The following RSPH10B2 variants were observed in gnomAD, a reference collection of about 807,000 sequenced individuals.
RSPH10B2 encodes the protein radial spoke head 10 homolog B2.
RSPH10B2 carries 9 observed loss-of-function variants against 49.0 expected under a neutral mutation model. The ratio of observed to expected loss-of-function variants is 0.18; its 90% CI spans 0.11 to 0.32. The LOEUF (loss-of-function observed/expected upper bound fraction) is 0.32, where lower values mean the gene tolerates loss of function less well. RSPH10B2 is among the 10% of genes least tolerant of loss of function. RSPH10B2 has a pLI of 1.00. For synonymous variants in RSPH10B2, 35 were observed against 210.2 expected, an observed-to-expected ratio of 0.17 and a Z score of 7.21; for missense variants, 95 against 589.9, an observed-to-expected ratio of 0.16 and a Z score of 8.69.
chr7:6,761,942 CA>C (rs1455733899), intron 3 of RSPH10B2, among the ~76,000 whole-genome samples: 9 of 87,912 alleles, frequency 1.0e-4, no homozygotes, highest in Admixed American at 3.9e-4. Context: ...AAACTCCCGG[CA>C]GGGGGGGAGG....
chr7:6,757,917 A>C, exon 1 of RSPH10B2: 1 of 1,593,778 alleles, frequency 6.3e-7, no homozygotes, highest in Non-Finnish European at 8.6e-7. Flanking sequence ...TTCTGACCAA[A>C]CTCATAGTGG....
Position 6,780,011 on chromosome 7 carries a change from C to T in RSPH10B2, c.1529+287C>T, listed in dbSNP as rs1213492023. Among the ~76,000 whole-genome samples, 152 of 111,856 alleles carry T rather than the reference C, an allele frequency of 1.4e-3. 3 individuals are homozygous for T. The highest frequency in any genetic ancestry group is 4.8e-3 in the African/African-American group (148 of 30,840). The allele number at this position is 111,856 out of a possible 152,430, so 73.4% of individuals were successfully genotyped here. A position where few individuals can be genotyped will look rare whatever the true frequency, so the allele number is the denominator to read the frequency against. ...TTTTTTTTTGTATTTTTAGTAGAGA[C>T]GGGGTTTCACCATGTTGGCCAGGCT... On this transcript the variant is annotated intron_variant, in intron 11 of 18. Coordinates refer to ENST00000297186, the Ensembl canonical transcript of RSPH10B2.
intron 13 of RSPH10B2, among the ~76,000 whole-genome samples, chr7:6,783,838 A>T (rs118083130): frequency 0.037 from 4,846 of 130,784 alleles, 28 homozygotes; most frequent in Non-Finnish European, 0.044. Flanking sequence ...TAATAATAAT[A>T]ATTATTATTA....
At position 6,780,525 on chromosome 7, in the gene RSPH10B2, C is replaced by T. The variant is rs572983305; in HGVS notation, c.1530-284C>T. ...CAGCCTCCCAAGTAGCTGGGATTAC[C>T]GGTGTCTGCCACCAAGCCCAGCTAA... is the stretch of plus-strand genomic sequence containing the variant. On this transcript the variant is annotated intron_variant, in intron 11 of 18. Transcript: ENST00000297186. 9.3e-5 allele frequency among the ~76,000 whole-genome samples: 9 copies of T among 96,952 alleles called. 2 individuals are homozygous for T. Among genetic ancestry groups the T allele is most frequent in the Non-Finnish European group, 1.3e-4 (6 of 46,680 alleles). The allele number at this position is 96,952 out of a possible 152,430, so 63.6% of individuals were successfully genotyped here.
chr7:6,786,765 GT>G, intron 14 of RSPH10B2, 112 bp from the exon 17 acceptor site: 2 of 1,049,538 alleles, frequency 1.9e-6, no homozygotes, highest in Admixed American at 3.9e-5. Flanking sequence ...CTGTGTGTGT[GT>G]GGGCAAACGT....
intron 11 of RSPH10B2, among the ~76,000 whole-genome samples, chr7:6,780,217 A>C (rs1448528759): frequency 8.5e-6 from 1 of 117,246 alleles, no homozygotes; most frequent in African/African-American, 3.1e-5. Flanking sequence ...TACTGGATCA[A>C]AACTTTGAAA....
chr7:6,776,918 CACACACACAA>C (rs1241687290), intron 10 of RSPH10B2, among the ~76,000 whole-genome samples: 8 of 138,306 alleles, frequency 5.8e-5, no homozygotes, highest in Admixed American at 3.0e-4. Context: ...CACACACACA[CACACACACAA>C]AAGGCAGGGG....
chr7:6,758,416 A>T (rs1469673027), intron 1 of RSPH10B2, among the ~76,000 whole-genome samples: 1 of 147,712 alleles, frequency 6.8e-6, no homozygotes, highest in Non-Finnish European at 1.5e-5. Context: ...AATAGCAAAC[A>T]TACAGCCCCA....
intron 13 of RSPH10B2, among the ~76,000 whole-genome samples, chr7:6,784,385 A>C (rs1583523702): frequency 2.0e-4 from 2 of 10,118 alleles, no homozygotes; most frequent in Non-Finnish European, 3.0e-4. Flanking sequence ...TCAGCCTCCC[A>C]AGTAGCTGGG....
chr7:6,797,614 A>G (rs1006628963), intron 18 of RSPH10B2, among the ~76,000 whole-genome samples: 2 of 152,290 alleles, frequency 1.3e-5, no homozygotes, highest in African/African-American at 4.8e-5. Flanking sequence ...TAACCCCAGC[A>G]TTTTGGGGGG....
chr7:6,768,347 T>G (rs1344728409), intron 6 of RSPH10B2, among the ~76,000 whole-genome samples: 1 of 152,306 alleles, frequency 6.6e-6, no homozygotes, highest in Admixed American at 6.5e-5. Flanking sequence ...ATATCTAACC[T>G]GAGGGGTAGG....
At position 6,781,864 on chromosome 7, in the gene RSPH10B2, T is replaced by TAA. The variant is rs1163972347; in HGVS notation, c.1758+393_1758+394dup. On this transcript the variant is annotated intron_variant, in intron 13 of 18. Transcript: ENST00000297186. ...TTATATATGCCATGGGCCATTGTCT[T>TAA]AAAAAATATATATATATATAAATAT... is the stretch of plus-strand genomic sequence containing the variant. Among the ~76,000 whole-genome samples the TAA allele has an allele frequency of 1.7e-3, 182 of 106,510 alleles. 43 individuals carry two copies. The highest frequency in any genetic ancestry group is 6.6e-3 in the African/African-American group (180 of 27,288). 69.9% of individuals were successfully genotyped at this position (106,510 alleles called of 152,430 possible).
At chr7:6,793,518 G>T (rs1355782317) in intron 17 of RSPH10B2, among the ~76,000 whole-genome samples, 2 of 117,544 alleles carry the variant, frequency 1.7e-5, no homozygotes, top group African/African-American at 6.8e-5. Flanking sequence ...CATTCCCATC[G>T]GCACACATGT....
At position 6,776,808 on chromosome 7, in the gene RSPH10B2, C is replaced by T. The variant is rs1299006498; in HGVS notation, c.1414+262C>T. Among the ~76,000 whole-genome samples the T allele has an allele frequency of 4.8e-4, 41 of 85,466 alleles. 1 individual carries two copies. Among genetic ancestry groups the T allele is most frequent in the Middle Eastern group, 9.8e-3 (1 of 102 alleles). 56.1% of individuals were successfully genotyped at this position (85,466 alleles called of 152,430 possible). ...AGGAGAATCGCTTGGACCCAGGAGG[C>T]GGAGGTTGCAGTGAGCCAAGATTGT... On this transcript the variant is annotated intron_variant, in intron 10 of 18. Transcript: ENST00000297186.
chr7:6,780,362 C>G (rs1340913480), intron 11 of RSPH10B2, among the ~76,000 whole-genome samples: 2 of 123,704 alleles, frequency 1.6e-5, no homozygotes, highest in Admixed American at 1.8e-4. Context: ...GGTTTTATAT[C>G]TTTTTTTAAA....
In RSPH10B2 at chr7:6,797,866, TACAC is replaced by T. The variant is rs753716997; in HGVS notation, c.2433-478_2433-475del. Among the ~76,000 whole-genome samples the T allele has an allele frequency of 1.7e-4, 11 of 65,730 alleles. 2 individuals are homozygous for T. The highest frequency in any genetic ancestry group is 5.2e-4 in the African/African-American group (7 of 13,392). The allele number at this position is 65,730 out of a possible 152,430, so 43.1% of individuals were successfully genotyped here. A position where few individuals can be genotyped will look rare whatever the true frequency, so the allele number is the denominator to read the frequency against. On this transcript the variant is annotated intron_variant, in intron 18 of 18. Transcript: ENST00000297186. Reference sequence around the variant, plus strand: ...AGACCCTATCTCAAAAAAAAAAAAATACACACACACACACACACACACGTAACTT... The same window carrying T: ...AGACCCTATCTCAAAAAAAAAAAAATACACACACACACACACACGTAACTT...
At chr7:6,797,443 G>A (rs374931080) in intron 18 of RSPH10B2, among the ~76,000 whole-genome samples, 3 of 147,960 alleles carry the variant, frequency 2.0e-5, no homozygotes, top group Non-Finnish European at 3.0e-5. Flanking sequence ...AACCAACCAC[G>A]AGATTAGAAG....
chr7:6,796,197 G>A (rs796456832), intron 17 of RSPH10B2, among the ~76,000 whole-genome samples: 388 of 117,696 alleles, frequency 3.3e-3, no homozygotes, highest in African/African-American at 0.012. Context: ...GCGCACGCCT[G>A]TAGCTACTCG....
intron 3 of RSPH10B2, chr7:6,761,403 AGGAGCGG>A (rs1273777716): frequency 7.7e-6 from 1 of 130,442 alleles, no homozygotes; most frequent in Non-Finnish European, 1.6e-5. Flanking sequence ...CATGCTGCAG[AGGAGCGG>A]GGAGAGGGAG....
Sources: gnomAD v4.1 joint callset for allele counts (sites outside exome capture counted in the v4.1 genomes callset) on GRCh38, gnomAD v4.1.1 for gene constraint, MANE v1.5 for transcripts, NCBI Gene and HGNC (gene_info 2026-07-23, HGNC 2026-07-21) for gene names.